CERS6: variants seen among roughly 807,000 people sequenced by gnomAD.
CERS6 encodes the protein LAG1 homolog, ceramide synthase 6.
Under a neutral mutation model 56.8 loss-of-function variants are expected in CERS6, and 26 were observed. The observed-to-expected ratio is 0.46, with a 90% confidence interval of 0.34 to 0.63. The LOEUF (loss-of-function observed/expected upper bound fraction) is 0.63, where lower values mean the gene tolerates loss of function less well. CERS6 is among the 30% of genes least tolerant of loss of function. The pLI, the probability that CERS6 is intolerant of heterozygous loss-of-function variation, is 0.01. For missense variants in CERS6, 415 were observed against 467.5 expected (o/e 0.89, Z 1.04); for synonymous variants, 164 against 173.3 (o/e 0.95, Z 0.42).
intron 3 of CERS6, among the ~76,000 whole-genome samples, chr2:168,622,596 C>T (rs1208705942): frequency 6.6e-6 from 1 of 152,148 alleles, no homozygotes; most frequent in Non-Finnish European, 1.5e-5. Flanking sequence ...CTCTTCTACC[C>T]AAATTAAGTT....
At chr2:168,551,503 T>C (rs897326061) in intron 2 of CERS6, among the ~76,000 whole-genome samples, 1 of 152,226 alleles carries the variant, frequency 6.6e-6, no homozygotes, top group Non-Finnish European at 1.5e-5. Flanking sequence ...GTAAAAATCT[T>C]TGAATAACCG....
In CERS6 at chr2:168,670,972, C is replaced by G. The variant is rs560148655; in HGVS notation, c.466-20062C>G. Among the ~76,000 whole-genome samples the G allele has an allele frequency of 2.0e-4, 12 of 61,488 alleles. 3 individuals carry two copies. Among genetic ancestry groups the G allele is most frequent in the Middle Eastern group, 4.8e-3 (1 of 208 alleles). 40.3% of individuals were successfully genotyped at this position (61,488 alleles called of 152,430 possible). A position where few individuals can be genotyped will look rare whatever the true frequency, so the allele number is the denominator to read the frequency against. On this transcript the variant is annotated intron_variant, in intron 4 of 9. Transcript: ENST00000305747. ...CAGGTGCTGGATACATGCTTCCCCC[C>G]CCCCCCCCAGACGGAAGCTTGCTCT... is the stretch of plus-strand genomic sequence containing the variant.
chr2:168,536,217 C>T (rs948583235), intron 1 of CERS6, among the ~76,000 whole-genome samples: 4 of 152,270 alleles, frequency 2.6e-5, no homozygotes, highest in Admixed American at 6.5e-5. Flanking sequence ...TTGCTTATAT[C>T]GTTGATATCA....
At chr2:168,764,906 G>A (rs568997358) in intron 8 of CERS6, among the ~76,000 whole-genome samples, 2 of 152,300 alleles carry the variant, frequency 1.3e-5, no homozygotes, top group South Asian at 2.1e-4. Context: ...TACTCAGAGC[G>A]ATATTTGTGG....
chr2:168,464,118 C>T (rs1453631193), intron 1 of CERS6, among the ~76,000 whole-genome samples: 1 of 150,208 alleles, frequency 6.7e-6, no homozygotes, highest in Non-Finnish European at 1.5e-5. Context: ...TTTCTTACTT[C>T]TTAATGTGGA....
At chr2:168,520,770 C>T (rs1213971381) in intron 1 of CERS6, among the ~76,000 whole-genome samples, 1 of 151,616 alleles carries the variant, frequency 6.6e-6, no homozygotes, top group African/African-American at 2.4e-5. Context: ...CCAACACACC[C>T]AGCTTATTTT....
intron 3 of CERS6, among the ~76,000 whole-genome samples, chr2:168,567,748 C>A (rs1695909151): frequency 6.6e-6 from 1 of 152,128 alleles, no homozygotes; most frequent in Non-Finnish European, 1.5e-5. Flanking sequence ...CAGAGTTTTG[C>A]CATTTAATAG....
intron 1 of CERS6, among the ~76,000 whole-genome samples, chr2:168,470,240 G>A (rs1188186787): frequency 6.7e-6 from 1 of 150,074 alleles, no homozygotes; most frequent in Non-Finnish European, 1.5e-5. Flanking sequence ...AAAATTAGCT[G>A]GGCGTGGTGG....
intron 3 of CERS6, among the ~76,000 whole-genome samples, chr2:168,620,064 T>TAC (rs1684431462): frequency 2.9e-5 from 2 of 67,856 alleles, no homozygotes; most frequent in African/African-American, 5.2e-5. Context: ...CACACACACA[T>TAC]ATTTATATAT....
chr2:168,724,515 C>A (rs1340933859), intron 8 of CERS6, among the ~76,000 whole-genome samples: 2 of 152,062 alleles, frequency 1.3e-5, no homozygotes, highest in Non-Finnish European at 2.9e-5. Flanking sequence ...TGAGAGGGCG[C>A]TGATTGGTGC....
At chr2:168,697,553 C>CTTTTT (rs113250500) in intron 6 of CERS6, among the ~76,000 whole-genome samples, 4 of 141,236 alleles carry the variant, frequency 2.8e-5, no homozygotes, top group African/African-American at 5.3e-5. Context: ...AACATTCTTC[C>CTTTTT]TTTTTTTTTT....
chr2:168,468,146 G>A (rs1216814024), intron 1 of CERS6, among the ~76,000 whole-genome samples: 1 of 152,140 alleles, frequency 6.6e-6, no homozygotes, highest in Non-Finnish European at 1.5e-5. Context: ...AAACAAGTGG[G>A]GGGCCGCTGT....
chr2:168,735,880 C>A (rs373975704), intron 8 of CERS6, among the ~76,000 whole-genome samples: 690 of 106,492 alleles, frequency 6.5e-3, no homozygotes, highest in East Asian at 9.4e-3. Flanking sequence ...GACCCTGTCT[C>A]AAAAAAAAAA....
intron 1 of CERS6, among the ~76,000 whole-genome samples, chr2:168,470,434 C>G (rs1558961580): frequency 6.6e-6 from 1 of 151,990 alleles, no homozygotes; most frequent in Non-Finnish European, 1.5e-5. Context: ...TTGCCTGCCC[C>G]CACTGTCCCT....
intron 1 of CERS6, among the ~76,000 whole-genome samples, chr2:168,482,937 A>G (rs1003708915): frequency 1.3e-5 from 2 of 152,244 alleles, no homozygotes; most frequent in Non-Finnish European, 2.9e-5. Context: ...ATTCCATCAT[A>G]GCCCAAAAGA....
chr2:168,746,515 A>G (rs1037222006), intron 8 of CERS6, among the ~76,000 whole-genome samples: 3 of 151,784 alleles, frequency 2.0e-5, no homozygotes, highest in African/African-American at 7.3e-5. Context: ...GAGGGACATG[A>G]TGAGACTCTA....
At chr2:168,725,705 T>C (rs1683331237) in intron 8 of CERS6, among the ~76,000 whole-genome samples, 1 of 152,248 alleles carries the variant, frequency 6.6e-6, no homozygotes, top group South Asian at 2.1e-4. Flanking sequence ...ATGGTATATA[T>C]TGGATACATG....
rs1684872139 is a variant in CERS6 at position 168,771,992 on chromosome 2, C to G, written c.*2330C>G. 6.6e-6 allele frequency: 1 copy of G among 152,124 alleles called. No individual in the cohort carries two copies. Among genetic ancestry groups the G allele is most frequent in the Non-Finnish European group, 1.5e-5 (1 of 68,030 alleles). 9.4% of individuals were successfully genotyped at this position (152,124 alleles called of 1,614,324 possible). On this transcript the variant is annotated 3_prime_UTR_variant, in exon 10 of 10. Transcript: ENST00000305747. ...TTTTATTTCATTTTACATTTTAGGGCACAGTTCTTTGGGGCTAATTAAAAT... is the reference window on the plus strand; with the variant it reads ...TTTTATTTCATTTTACATTTTAGGGGACAGTTCTTTGGGGCTAATTAAAAT...
intron 3 of CERS6, among the ~76,000 whole-genome samples, chr2:168,593,770 T>C (rs1683731737): frequency 6.6e-6 from 1 of 152,230 alleles, no homozygotes; most frequent in African/African-American, 2.4e-5. Flanking sequence ...CCTAATAAAA[T>C]ATTTTTCCTA....
Sources: allele counts gnomAD v4.1 joint callset (sites outside exome capture counted in the v4.1 genomes callset), GRCh38; gene constraint gnomAD v4.1.1; transcripts MANE v1.5; gene names NCBI Gene and HGNC (gene_info 2026-07-23, HGNC 2026-07-21).